Variants in RALY observed in about 807,000 individuals in gnomAD.
RALY encodes the protein RALY heterogeneous nuclear ribonucleoprotein, also known as RNA-binding protein Raly.
Under a neutral mutation model 30.7 loss-of-function variants are expected in RALY, and 15 were observed. That is an observed-to-expected ratio of 0.49 (90% confidence interval 0.33 to 0.75). The LOEUF (loss-of-function observed/expected upper bound fraction) is 0.75. Ranked by LOEUF, RALY falls within the 30% of genes least tolerant of loss-of-function variation. RALY has a pLI of 0.02. For missense variants in RALY, 339 were observed against 414.3 expected, an observed-to-expected ratio of 0.82 and a Z score of 1.58; for synonymous variants, 177 against 170.8, an observed-to-expected ratio of 1.04 and a Z score of -0.28.
At chr20:34,063,222 T>G (rs979495521) in intron 2 of RALY, among the ~76,000 whole-genome samples, 3 of 152,182 alleles carry the variant, frequency 2.0e-5, no homozygotes, top group Non-Finnish European at 2.9e-5. Context: ...ACTCCACAAG[T>G]ATTGATGATG....
intron 1 of RALY, among the ~76,000 whole-genome samples, chr20:33,998,220 G>A (rs538306371): frequency 6.6e-6 from 1 of 152,222 alleles, no homozygotes; most frequent in Non-Finnish European, 1.5e-5. Context: ...GAGAAGTGTT[G>A]TCACAGGGAC....
At chr20:34,035,564 C>G (rs747367959) in intron 2 of RALY, among the ~76,000 whole-genome samples, 1 of 152,160 alleles carries the variant, frequency 6.6e-6, no homozygotes, top group Non-Finnish European at 1.5e-5. Context: ...TCCCCACGAC[C>G]TAAAACCCTG....
chr20:34,041,733 A>C (rs530496594), intron 2 of RALY, among the ~76,000 whole-genome samples: 5 of 152,214 alleles, frequency 3.3e-5, no homozygotes, highest in African/African-American at 1.2e-4. Flanking sequence ...ATTTTAGGAT[A>C]TCAGAGTGGG....
chr20:34,007,651 C>T (rs1011400806), intron 1 of RALY, among the ~76,000 whole-genome samples: 10 of 151,086 alleles, frequency 6.6e-5, no homozygotes, highest in Non-Finnish European at 1.3e-4. Flanking sequence ...GAAACCCCAT[C>T]TCTACTAAAA....
intron 2 of RALY, among the ~76,000 whole-genome samples, chr20:34,054,315 C>T (rs982376206): frequency 2.0e-5 from 3 of 152,138 alleles, no homozygotes; most frequent in Non-Finnish European, 4.4e-5. Flanking sequence ...TCAAGGAGTT[C>T]AGAATTTAAT....
At chr20:34,017,883 TCA>T (rs375485394) in intron 1 of RALY, 123 of 152,330 alleles carry the variant, frequency 8.1e-4, no homozygotes, top group African/African-American at 2.5e-3. Flanking sequence ...CAATCTAGCA[TCA>T]GAGTCAGACA....
chr20:34,083,986 C>G lies in RALY; in HGVS notation c.*4081C>G, dbSNP rs1452655615. ...TTCCTGAACACCTGCTGTTAAAAAG[C>G]ACATTTTACATTTACTTAATCTCCA... On this transcript the variant is annotated 3_prime_UTR_variant, in exon 10 of 10. Coordinates refer to ENST00000246194, the MANE Select transcript of RALY (RefSeq NM_016732.3). 2 of 152,206 alleles carry G rather than the reference C, an allele frequency of 1.3e-5. No homozygotes were observed. The highest frequency in any genetic ancestry group is 4.8e-5 in the African/African-American group (2 of 41,452). The allele number at this position is 152,206 out of a possible 1,614,324, so 9.4% of individuals were successfully genotyped here.
chr20:34,047,097 G>C (rs1040985544), intron 2 of RALY, among the ~76,000 whole-genome samples: 1 of 152,176 alleles, frequency 6.6e-6, no homozygotes, highest in South Asian at 2.1e-4. Context: ...GGGATTACAG[G>C]TGTGAGCCAC....
At chr20:34,033,088 G>GT (rs1329880020) in intron 2 of RALY, 1 of 152,220 alleles carries the variant, frequency 6.6e-6, no homozygotes, top group Non-Finnish European at 1.5e-5. Context: ...CCAGTACAGG[G>GT]TAAGGACCTG....
intron 2 of RALY, among the ~76,000 whole-genome samples, chr20:34,058,157 G>A (rs2033309881): frequency 6.6e-6 from 1 of 152,100 alleles, no homozygotes; most frequent in Non-Finnish European, 1.5e-5. Flanking sequence ...TACCAAAGCT[G>A]CTTCTGTCAT....
intron 1 of RALY, 41 bp downstream of exon 1, chr20:33,994,172 G>A (rs1163027956): frequency 1.3e-5 from 2 of 152,378 alleles, no homozygotes; most frequent in African/African-American, 2.4e-5. Context: ...GGTGCGGGGA[G>A]GGTGTGTGCT....
intron 1 of RALY, among the ~76,000 whole-genome samples, chr20:33,997,541 AG>A (rs547935244): frequency 1.6e-3 from 242 of 152,306 alleles, no homozygotes; most frequent in African/African-American, 5.3e-3. Context: ...CAGTGACAGC[AG>A]CTTGGATCAA....
chr20:34,066,693 G>A (rs2122254841), intron 2 of RALY, among the ~76,000 whole-genome samples: 2 of 80,654 alleles, frequency 2.5e-5, no homozygotes, highest in African/African-American at 1.3e-4. Context: ...CTGGCCTGGG[G>A]CTCTTTTTTT....
intron 2 of RALY, among the ~76,000 whole-genome samples, chr20:34,047,608 C>T (rs936781143): frequency 2.0e-5 from 3 of 152,204 alleles, no homozygotes; most frequent in Non-Finnish European, 2.9e-5. Context: ...TCTTCGGAGT[C>T]GCACAGACCT....
chr20:33,995,615 A>G (rs2030579626), intron 1 of RALY, among the ~76,000 whole-genome samples: 1 of 152,120 alleles, frequency 6.6e-6, no homozygotes, highest in African/African-American at 2.4e-5. Flanking sequence ...TGATGTTCAC[A>G]TTAGTTCTTT....
At chr20:34,024,587 C>T (rs2031949418) in intron 1 of RALY, among the ~76,000 whole-genome samples, 4 of 152,126 alleles carry the variant, frequency 2.6e-5, no homozygotes, top group Non-Finnish European at 4.4e-5. Flanking sequence ...TGTTCTCATA[C>T]GTGAACATGG....
chr20:34,061,565 G>C (rs753573822), intron 2 of RALY, among the ~76,000 whole-genome samples: 23 of 152,170 alleles, frequency 1.5e-4, no homozygotes, highest in Non-Finnish European at 2.5e-4. Context: ...GAGAAGTACT[G>C]ACTTATTTAG....
chr20:34,003,643 T>G (rs1314424629), intron 1 of RALY, among the ~76,000 whole-genome samples: 2 of 144,316 alleles, frequency 1.4e-5, no homozygotes, highest in Non-Finnish European at 3.0e-5. Context: ...AGTTTTTTTT[T>G]TTTTTTTTTT....
chr20:34,077,129 C>T lies in RALY; in HGVS notation c.760C>T (p.Arg254Trp), dbSNP rs1487313846. The T allele has an allele frequency of 1.9e-5, 30 of 1,609,494 alleles. No individual in the cohort carries two copies. Among genetic ancestry groups the T allele is most frequent in the African/African-American group, 8.0e-5 (6 of 74,826 alleles). The change falls in exon 8 of 10, where the codon CGG becomes TGG. Residue 254 changes from arginine to tryptophan, a missense_variant. Physicochemically the swap from Arg to Trp is moderately radical, Grantham distance 101. Coordinates refer to ENST00000246194, the MANE Select transcript of RALY (RefSeq NM_016732.3). ...TGGTGGCGGTGGCGGTGGCAGCAGC[C>T]GGCCACCAGCCCCCCAAGAGAACAC... Reference protein sequence around the residue: ...SGGGGGGGSSRPPAPQENTTS... With the variant: ...SGGGGGGGSSWPPAPQENTTS...
Sources: gnomAD v4.1 joint callset for allele counts (sites outside exome capture counted in the v4.1 genomes callset) on GRCh38, gnomAD v4.1.1 for gene constraint, MANE v1.5 for transcripts, NCBI Gene and HGNC (gene_info 2026-07-23, HGNC 2026-07-21) for gene names.